Variants in LRRC4C observed in about 807,000 individuals in gnomAD.
LRRC4C encodes the protein leucine rich repeat containing 4C, also known as leucine-rich repeat-containing protein 4C.
In LRRC4C, 5 loss-of-function variants were observed where a neutral mutation model predicts 33.6. The ratio of observed to expected loss-of-function variants is 0.15; its 90% CI spans 0.08 to 0.31. LRRC4C has a LOEUF of 0.31. Ranked by LOEUF, LRRC4C falls within the 10% of genes least tolerant of loss-of-function variation. The probability of loss-of-function intolerance (pLI) is 1.00; values close to 1 mark genes in which losing one functional copy is unlikely to be tolerated. For synonymous variants in LRRC4C, 329 were observed against 302.0 expected (o/e 1.09, Z -0.93); for missense variants, 560 against 796.7 (o/e 0.70, Z 3.58).
chr11:40,575,037 G>A (rs561500104), intron 3 of LRRC4C, among the ~76,000 whole-genome samples: 2 of 152,310 alleles, frequency 1.3e-5, no homozygotes, highest in South Asian at 4.1e-4. Flanking sequence ...TCAAAGGAGA[G>A]CCTCAGCAGG....
chr11:41,409,261 T>C (rs1368883778), intron 1 of LRRC4C, among the ~76,000 whole-genome samples: 1 of 152,166 alleles, frequency 6.6e-6, no homozygotes, highest in Non-Finnish European at 1.5e-5. Flanking sequence ...CTGATACCAA[T>C]TAAAGTATGG....
intron 1 of LRRC4C, among the ~76,000 whole-genome samples, chr11:41,065,603 C>T (rs1474628116): frequency 6.6e-6 from 1 of 152,194 alleles, no homozygotes; most frequent in East Asian, 1.9e-4. Context: ...TCCCTGACCC[C>T]ATGCCTCCTG....
chr11:40,975,233 AAAAAGTTTGTG>A (rs1211915195), intron 1 of LRRC4C, among the ~76,000 whole-genome samples: 2 of 152,244 alleles, frequency 1.3e-5, no homozygotes, highest in African/African-American at 2.4e-5. Context: ...GTCATGTCAT[AAAAAGTTTGTG>A]AATAAATATA....
chr11:40,421,209 T>C (rs1234381125), intron 3 of LRRC4C, among the ~76,000 whole-genome samples: 3 of 152,210 alleles, frequency 2.0e-5, no homozygotes, highest in East Asian at 3.8e-4. Flanking sequence ...GAAATCTTAG[T>C]TTAATAGCTG....
intron 1 of LRRC4C, among the ~76,000 whole-genome samples, chr11:41,231,939 A>G (rs1212602278): frequency 1.3e-5 from 2 of 151,742 alleles, no homozygotes; most frequent in East Asian, 3.9e-4. Context: ...TCTACCTTAC[A>G]AAACTGATTC....
Position 40,374,910 on chromosome 11 carries a change from A to C in LRRC4C, c.-269-55189T>G, listed in dbSNP as rs562758126. Among the ~76,000 whole-genome samples, 15 of 152,314 alleles carry C rather than the reference A, an allele frequency of 9.8e-5. No individual in the cohort carries two copies. The South Asian group carries it at 3.1e-3, about 32-fold the overall frequency. ...TCATTTTACAAGTGAGAAAACCTGA[A>C]GTACAAGGAGGTAGTGTGAAAGGTC... is the stretch of plus-strand genomic sequence containing the variant. On this transcript the variant is annotated intron_variant, in intron 3 of 6. Transcript: ENST00000528697.
chr11:40,602,677 T>A (rs994378955), intron 3 of LRRC4C, among the ~76,000 whole-genome samples: 1 of 152,208 alleles, frequency 6.6e-6, no homozygotes, highest in Non-Finnish European at 1.5e-5. Flanking sequence ...AGGATCTTCA[T>A]CAACAATGTG....
At chr11:41,401,281 T>C (rs909821268) in intron 1 of LRRC4C, among the ~76,000 whole-genome samples, 1 of 151,948 alleles carries the variant, frequency 6.6e-6, no homozygotes, top group Non-Finnish European at 1.5e-5. Flanking sequence ...ACTAGTCACA[T>C]TTCAAGTGCT....
Position 40,242,763 on chromosome 11 carries a change from T to A in LRRC4C, c.-175-1165A>T, listed in dbSNP as rs1590800966. Reference sequence around the variant, plus strand: ...TGTGGTCAACACAGAGGATACAAATTCTAGAAAAAAGTGTATCATCCAAAA... The same window carrying A: ...TGTGGTCAACACAGAGGATACAAATACTAGAAAAAAGTGTATCATCCAAAA... On this transcript the variant is annotated intron_variant, in intron 4 of 6. Transcript: ENST00000528697. Among the ~76,000 whole-genome samples the A allele has an allele frequency of 1.5e-5, 2 of 137,454 alleles. 1 individual carries two copies. The highest frequency in any genetic ancestry group is 4.6e-4 in the East Asian group (2 of 4,310). The allele number at this position is 137,454 out of a possible 152,430, so 90.2% of individuals were successfully genotyped here.
intron 1 of LRRC4C, among the ~76,000 whole-genome samples, chr11:41,265,710 T>C (rs1949126533): frequency 6.6e-6 from 1 of 152,026 alleles, no homozygotes; most frequent in African/African-American, 2.4e-5. Context: ...TTCAAGTCAG[T>C]GTGGGGATCC....
At chr11:41,058,334 C>A (rs1858788307) in intron 1 of LRRC4C, among the ~76,000 whole-genome samples, 1 of 152,216 alleles carries the variant, frequency 6.6e-6, no homozygotes, top group South Asian at 2.1e-4. Context: ...GAGCCAGTGC[C>A]CATGCCAGCA....
intron 1 of LRRC4C, among the ~76,000 whole-genome samples, chr11:40,942,316 A>T (rs902905970): frequency 5.3e-5 from 8 of 152,208 alleles, no homozygotes; most frequent in Non-Finnish European, 8.8e-5. Context: ...TCAGTCAATT[A>T]TAATCCCAGC....
chr11:40,555,381 G>C (rs1307979883), intron 3 of LRRC4C, among the ~76,000 whole-genome samples: 2 of 152,086 alleles, frequency 1.3e-5, no homozygotes, highest in Non-Finnish European at 2.9e-5. Context: ...ATTATTACTG[G>C]TATCTTCAGA....
At chr11:40,693,832 A>G (rs1945346571) in intron 2 of LRRC4C, among the ~76,000 whole-genome samples, 1 of 152,126 alleles carries the variant, frequency 6.6e-6, no homozygotes, top group African/African-American at 2.4e-5. Flanking sequence ...ACACAACGAC[A>G]TAGTCTATTC....
intron 3 of LRRC4C, among the ~76,000 whole-genome samples, chr11:40,621,180 G>A (rs1399561326): frequency 6.6e-6 from 1 of 151,650 alleles, no homozygotes; most frequent in Non-Finnish European, 1.5e-5. Context: ...TAGGAAATCA[G>A]TGCACCAAGA....
chr11:40,974,644 T>C (rs943512342), intron 1 of LRRC4C, among the ~76,000 whole-genome samples: 9 of 152,200 alleles, frequency 5.9e-5, no homozygotes, highest in Non-Finnish European at 1.3e-4. Flanking sequence ...ACGTAGGGAA[T>C]TGGTAAAGCA....
At chr11:40,566,572 T>G (rs1957777173) in intron 3 of LRRC4C, among the ~76,000 whole-genome samples, 1 of 152,082 alleles carries the variant, frequency 6.6e-6, no homozygotes, top group African/African-American at 2.4e-5. Context: ...TTCAAATATG[T>G]TAAATGAGCA....
intron 1 of LRRC4C, among the ~76,000 whole-genome samples, chr11:41,044,492 A>T (rs575316905): frequency 3.9e-5 from 6 of 152,208 alleles, no homozygotes; most frequent in South Asian, 4.2e-4. Flanking sequence ...TATTTCCTTG[A>T]CCAGACTGGA....
chr11:40,463,702 C>T lies in LRRC4C; in HGVS notation c.-269-143981G>A, dbSNP rs146729789. Among the ~76,000 whole-genome samples, 142 of 152,116 alleles carry T rather than the reference C, an allele frequency of 9.3e-4. 1 individual carries two copies. In the Middle Eastern group the frequency reaches 0.01, roughly 11 times the overall value. Reference sequence around the variant, plus strand: ...AAAATGCTCAATGAACAAAGAGTTACTTGTTCAAATGCATTAGAGCCACCA... The same window carrying T: ...AAAATGCTCAATGAACAAAGAGTTATTTGTTCAAATGCATTAGAGCCACCA... On this transcript the variant is annotated intron_variant, in intron 3 of 6. Transcript: ENST00000528697.
Sources: gnomAD v4.1 joint callset for allele counts (sites outside exome capture counted in the v4.1 genomes callset) on GRCh38, gnomAD v4.1.1 for gene constraint, MANE v1.5 for transcripts, NCBI Gene and HGNC (gene_info 2026-07-23, HGNC 2026-07-21) for gene names.